Variants in SUGCT observed in about 807,000 individuals in gnomAD.
SUGCT encodes succinyl-CoA:glutarate-CoA transferase, also known as succinyl-CoA:glutarate CoA-transferase.
A neutral mutation model predicts 55.0 loss-of-function variants in SUGCT; 41 were observed. The observed-to-expected ratio is 0.74, with a 90% CI of 0.58 to 0.97. SUGCT has a LOEUF of 0.97. Among genes scored for constraint, SUGCT ranks in the 50% least tolerant of loss-of-function variants. SUGCT has a pLI of 0.00. For synonymous variants in SUGCT, 187 were observed against 200.4 expected (o/e 0.93, Z 0.56); for missense variants, 568 against 547.8 (o/e 1.04, Z -0.37).
chr7:40,419,398 C>G (rs567249017), intron 9 of SUGCT, among the ~76,000 whole-genome samples: 1 of 152,180 alleles, frequency 6.6e-6, no homozygotes, highest in Admixed American at 6.5e-5. Flanking sequence ...TCACTTGATT[C>G]ATTACTGAAA....
intron 12 of SUGCT, among the ~76,000 whole-genome samples, chr7:40,594,496 C>T (rs1329037264): frequency 6.6e-6 from 1 of 152,144 alleles, no homozygotes; most frequent in African/African-American, 2.4e-5. Flanking sequence ...CCCATTTCAA[C>T]ATGCTCTCAA....
the SUGCT span, among the ~76,000 whole-genome samples, chr7:40,948,971 G>A: frequency 2.0e-5 from 3 of 152,174 alleles, no homozygotes; most frequent in Non-Finnish European, 2.9e-5. Flanking sequence ...TATATACCCA[G>A]TAATGGGATG....
In SUGCT at chr7:40,276,357, A is replaced by G. The variant is rs184880722; in HGVS notation, c.720+1701A>G. On this transcript the variant is annotated intron_variant, in intron 8 of 13. Transcript: ENST00000335693. ...CTGCATAAAAGTTGCACATCCAATA[A>G]GTTTGGAAGCCATGAAGGTTTCATG... is the stretch of plus-strand genomic sequence containing the variant. 2.6e-3 allele frequency among the ~76,000 whole-genome samples: 403 copies of G among 152,208 alleles called. 3 individuals are homozygous for G. Among genetic ancestry groups the G allele is most frequent in the South Asian group, 8.9e-3 (43 of 4,828 alleles).
the SUGCT span, among the ~76,000 whole-genome samples, chr7:40,880,195 T>C: frequency 1.3e-5 from 2 of 152,238 alleles, no homozygotes; most frequent in African/African-American, 4.8e-5. Context: ...GTTTGATTTA[T>C]TCTTTTATGA....
chr7:40,187,288 G>A (rs768143883), intron 3 of SUGCT, among the ~76,000 whole-genome samples: 49 of 152,180 alleles, frequency 3.2e-4, no homozygotes, highest in Middle Eastern at 3.4e-3. Context: ...CCTGTCGTGG[G>A]GTGTGGGGAG....
chr7:40,345,175 T>G (rs918631974), intron 9 of SUGCT, among the ~76,000 whole-genome samples: 3 of 152,134 alleles, frequency 2.0e-5, no homozygotes, highest in Non-Finnish European at 4.4e-5. Context: ...AATAGAAGTT[T>G]GAGAGGAAAA....
the SUGCT span, among the ~76,000 whole-genome samples, chr7:40,970,020 C>T: frequency 6.6e-6 from 1 of 152,144 alleles, no homozygotes; most frequent in South Asian, 2.1e-4. Context: ...ACATTCTTTG[C>T]AGGTAAAAAT....
At chr7:40,159,082 A>AT (rs909672552) in intron 1 of SUGCT, among the ~76,000 whole-genome samples, 1 of 151,830 alleles carries the variant, frequency 6.6e-6, no homozygotes, top group African/African-American at 2.4e-5. Context: ...GGCTTGACTA[A>AT]TTTTTTTGTA....
intron 6 of SUGCT, among the ~76,000 whole-genome samples, chr7:40,220,498 C>G (rs546083417): frequency 7.2e-5 from 11 of 152,006 alleles, no homozygotes; most frequent in Non-Finnish European, 1.2e-4. Flanking sequence ...AGTGATAGTC[C>G]CTGAGTAACA....
At chr7:40,869,158 G>A in the SUGCT span, among the ~76,000 whole-genome samples, 1 of 152,150 alleles carries the variant, frequency 6.6e-6, no homozygotes, top group Non-Finnish European at 1.5e-5. Flanking sequence ...CACTAAGTAA[G>A]TGCTTCTATG....
rs1562681083 is a variant in SUGCT, at chr7:40,324,248, A to ATAT, written c.816+7393_816+7394insTAT. 6.1e-4 allele frequency among the ~76,000 whole-genome samples: 68 copies of ATAT among 111,058 alleles called. 2 individuals are homozygous for ATAT. In the Middle Eastern group the frequency reaches 0.019, roughly 31 times the overall value. The allele number at this position is 111,058 out of a possible 152,430, so 72.9% of individuals were successfully genotyped here. ...GATCATATATATAAATAAATAAATAAATAAATATATATATATTTATTTTTT... is the reference window on the plus strand; with the variant it reads ...GATCATATATATAAATAAATAAATAATATATAAATATATATATATTTATTTTTT... On this transcript the variant is annotated intron_variant, in intron 9 of 13. Transcript: ENST00000335693.
At chr7:40,706,768 G>A (rs992230753) in intron 12 of SUGCT, among the ~76,000 whole-genome samples, 2 of 152,160 alleles carry the variant, frequency 1.3e-5, no homozygotes, top group South Asian at 4.1e-4. Flanking sequence ...TGCTGAGTCT[G>A]GATCTAGAAG....
intron 12 of SUGCT, among the ~76,000 whole-genome samples, chr7:40,720,698 A>G (rs762327752): frequency 3.9e-5 from 6 of 152,222 alleles, no homozygotes; most frequent in Non-Finnish European, 7.3e-5. Context: ...AGAAATAAGT[A>G]AAATAATAGC....
chr7:41,008,103 C>T, the SUGCT span, among the ~76,000 whole-genome samples: 2 of 152,330 alleles, frequency 1.3e-5, no homozygotes, highest in Admixed American at 6.5e-5. Flanking sequence ...CTCCCCCTCC[C>T]GTAGACCCAG....
chr7:40,641,804 C>T (rs1800282335), intron 12 of SUGCT, among the ~76,000 whole-genome samples: 1 of 152,068 alleles, frequency 6.6e-6, no homozygotes, highest in African/African-American at 2.4e-5. Context: ...ATGAAAGGCT[C>T]AGTTTCAAAG....
chr7:40,966,747 T>C, the SUGCT span: 1 of 152,252 alleles, frequency 6.6e-6, no homozygotes, highest in Non-Finnish European at 1.5e-5. Context: ...CCGTTAATGC[T>C]TCTATTCAAG....
At chr7:40,143,067 A>G (rs796220325) in intron 1 of SUGCT, among the ~76,000 whole-genome samples, 1 of 152,174 alleles carries the variant, frequency 6.6e-6, no homozygotes, top group Admixed American at 6.5e-5. Flanking sequence ...CGAAAGACCC[A>G]TAAGAGGCTT....
intron 12 of SUGCT, among the ~76,000 whole-genome samples, chr7:40,589,758 A>C (rs1797612485): frequency 6.6e-6 from 1 of 152,208 alleles, no homozygotes; most frequent in Admixed American, 6.5e-5. Flanking sequence ...ATATTTCTTA[A>C]GTTAGTGAAA....
At chr7:40,869,303 T>G in the SUGCT span, among the ~76,000 whole-genome samples, 1 of 152,188 alleles carries the variant, frequency 6.6e-6, no homozygotes, top group Non-Finnish European at 1.5e-5. Flanking sequence ...GGCTTCAGAT[T>G]TGAAGCACAA....
Sources: allele counts gnomAD v4.1 joint callset (sites outside exome capture counted in the v4.1 genomes callset), GRCh38; gene constraint gnomAD v4.1.1; transcripts MANE v1.5; gene names NCBI Gene and HGNC (gene_info 2026-07-23, HGNC 2026-07-21).